Variants in LAMA2 observed in about 807,000 individuals in gnomAD.
The protein encoded by LAMA2 is laminin subunit alpha 2.
In LAMA2, 269 loss-of-function variants were observed where a neutral mutation model predicts 364.8. The ratio of observed to expected loss-of-function variants is 0.74; its 90% confidence interval spans 0.67 to 0.82. The LOEUF (loss-of-function observed/expected upper bound fraction) is 0.82, where lower values mean the gene tolerates loss of function less well. Ranked by LOEUF, LAMA2 falls within the 40% of genes least tolerant of loss-of-function variation. The pLI is 0.00. For synonymous variants in LAMA2, 1,379 were observed against 1,370.6 expected, an observed-to-expected ratio of 1.01 and a Z score of -0.14; for missense variants, 3,807 against 3,873.2, an observed-to-expected ratio of 0.98 and a Z score of 0.45.
intron 1 of LAMA2, among the ~76,000 whole-genome samples, chr6:128,901,518 A>C (rs1777079002): frequency 6.7e-6 from 1 of 148,960 alleles, no homozygotes; most frequent in African/African-American, 2.6e-5. Context: ...AGAGGCATAG[A>C]AAGAGTAGTG....
At chr6:129,455,460 G>A (rs1012117334) in intron 47 of LAMA2, among the ~76,000 whole-genome samples, 10 of 152,032 alleles carry the variant, frequency 6.6e-5, no homozygotes, top group Admixed American at 5.9e-4. Context: ...TGTTAAAGAA[G>A]GTGAACCTTA....
intron 22 of LAMA2, among the ~76,000 whole-genome samples, chr6:129,309,679 C>T (rs1774087939): frequency 6.6e-6 from 1 of 152,132 alleles, no homozygotes; most frequent in African/African-American, 2.4e-5. Flanking sequence ...TTTGATTCTA[C>T]ATCTGATGTT....
chr6:129,099,149 C>CT (rs1452370036), intron 4 of LAMA2, among the ~76,000 whole-genome samples: 3 of 107,536 alleles, frequency 2.8e-5, no homozygotes, highest in African/African-American at 6.9e-5. Flanking sequence ...TGTTTTCTGG[C>CT]TTAGTTGTGT....
At chr6:129,228,967 T>G (rs1270697679) in intron 12 of LAMA2, among the ~76,000 whole-genome samples, 1 of 152,228 alleles carries the variant, frequency 6.6e-6, no homozygotes, top group Non-Finnish European at 1.5e-5. Context: ...TGTGTATGTA[T>G]TGAATTTGTG....
Position 129,032,968 on chromosome 6 carries a change from C to T in LAMA2, c.113-16950C>T, listed in dbSNP as rs868436423. Among the ~76,000 whole-genome samples, 12 of 152,214 alleles carry T rather than the reference C, an allele frequency of 7.9e-5. No individual in the cohort carries two copies. The South Asian group carries it at 1.9e-3, about 24-fold the overall frequency. ...ATTAGAACGCTGAAAACCACGAACT[C>T]TACTTTGGAGAGTAATATTAAATTT... On this transcript the variant is annotated intron_variant, in intron 1 of 64. Transcript: ENST00000421865.
intron 45 of LAMA2, among the ~76,000 whole-genome samples, chr6:129,449,407 TGGCA>T (rs918724714): frequency 4.6e-5 from 7 of 152,188 alleles, no homozygotes; most frequent in Admixed American, 2.6e-4. Context: ...TGCCCTCACA[TGGCA>T]GAAGAGCAAG....
chr6:129,260,086 C>A (rs1005053162), intron 14 of LAMA2, among the ~76,000 whole-genome samples: 42 of 152,040 alleles, frequency 2.8e-4, no homozygotes, highest in African/African-American at 7.2e-4. Context: ...GCTAAAATCA[C>A]CAGATTGTAC....
chr6:128,893,628 T>G (rs1220570736), intron 1 of LAMA2, among the ~76,000 whole-genome samples: 1 of 151,856 alleles, frequency 6.6e-6, no homozygotes, highest in Non-Finnish European at 1.5e-5. Flanking sequence ...TTCAGTGAAA[T>G]TATAAAACTA....
chr6:129,239,190 C>T (rs759482180), intron 12 of LAMA2, among the ~76,000 whole-genome samples: 12 of 152,148 alleles, frequency 7.9e-5, no homozygotes, highest in Non-Finnish European at 1.5e-4. Context: ...TTTGATTTCC[C>T]TGATGGAGAC....
At position 129,453,027 on chromosome 6, in the gene LAMA2, A is replaced by G. The variant is rs770722239; in HGVS notation, c.6469A>G (p.Thr2157Ala). The G allele has an allele frequency of 4.3e-6, 7 of 1,612,856 alleles. No individual in the cohort carries two copies. The highest frequency in any genetic ancestry group is 2.7e-5 in the African/African-American group (2 of 74,884). ...SVSSGGDCIR[T>A]YKPEIKKGSY... ...GTCTTCAGGAGGTGACTGCATTCGA[A>G]CATACAAACCAGAAATCAAGAAAGG... Residue 2157 changes from threonine (T) to alanine (A), a missense_variant, in exon 46 of 65, where the codon ACA becomes GCA. Transcript: ENST00000421865.
intron 1 of LAMA2, among the ~76,000 whole-genome samples, chr6:128,991,039 C>G (rs377677517): frequency 6.6e-6 from 1 of 151,864 alleles, no homozygotes; most frequent in African/African-American, 2.4e-5. Flanking sequence ...TCAGTTTAAA[C>G]GACTATAAAC....
intron 58 of LAMA2, among the ~76,000 whole-genome samples, chr6:129,497,912 T>C (rs1036968102): frequency 6.6e-6 from 1 of 152,242 alleles, no homozygotes; most frequent in African/African-American, 2.4e-5. Context: ...TCTTATTCTT[T>C]AGCCCATCGA....
intron 9 of LAMA2, among the ~76,000 whole-genome samples, chr6:129,169,171 T>A (rs1419507222): frequency 1.3e-5 from 2 of 150,354 alleles, no homozygotes; most frequent in Non-Finnish European, 3.0e-5. Context: ...CCTGCCTAAT[T>A]GCCCTGGCCA....
intron 40 of LAMA2, among the ~76,000 whole-genome samples, chr6:129,409,149 C>T (rs1034197502): frequency 2.0e-5 from 3 of 152,154 alleles, no homozygotes; most frequent in Non-Finnish European, 2.9e-5. Context: ...CAAAATTCTG[C>T]CCCCTGGGAA....
chr6:129,014,101 G>T (rs1195519850), intron 1 of LAMA2, among the ~76,000 whole-genome samples: 1 of 152,136 alleles, frequency 6.6e-6, no homozygotes, highest in Admixed American at 6.5e-5. Context: ...GAATGTGATG[G>T]AATAGATCGG....
rs2114774621 is a variant in LAMA2 at position 129,445,663 on chromosome 6, G to GCAGTTGC, written c.6275-2_6279dup. On this transcript the variant is annotated splice_region_variant and splice_polypyrimidine_tract_variant and intron_variant, in intron 44 of 64. Transcript: ENST00000421865. ...TACATGCACACTAATTTTGTTCTAT[G>GCAGTTGC]CAGTTGCCGATGCAGATGCCACTGT... 6.2e-7 allele frequency: 1 copy of GCAGTTGC among 1,613,700 alleles called. No individual in the cohort carries two copies. Among genetic ancestry groups the GCAGTTGC allele is most frequent in the South Asian group, 1.1e-5 (1 of 91,072 alleles).
At chr6:129,062,959 G>GA (rs1230792788) in intron 3 of LAMA2, among the ~76,000 whole-genome samples, 18 of 136,982 alleles carry the variant, frequency 1.3e-4, no homozygotes, top group African/African-American at 2.7e-4. Flanking sequence ...ATAAGCACTA[G>GA]AAAAAATAGC....
intron 37 of LAMA2, among the ~76,000 whole-genome samples, chr6:129,399,115 T>A (rs190366111): frequency 6.6e-6 from 1 of 152,340 alleles, no homozygotes; most frequent in Non-Finnish European, 1.5e-5. Context: ...TATTACCTAA[T>A]CTTTGTTTTT....
intron 1 of LAMA2, among the ~76,000 whole-genome samples, chr6:128,887,275 T>A (rs570575752): frequency 6.7e-6 from 1 of 149,726 alleles, no homozygotes; most frequent in Non-Finnish European, 1.5e-5. Flanking sequence ...CTGGAATTAA[T>A]TTTTTTAAAT....
Sources: gnomAD v4.1 joint callset for allele counts (sites outside exome capture counted in the v4.1 genomes callset) on GRCh38, gnomAD v4.1.1 for gene constraint, MANE v1.5 for transcripts, NCBI Gene and HGNC (gene_info 2026-07-23, HGNC 2026-07-21) for gene names.